The following DDX4 variants were observed in gnomAD, a reference collection of about 807,000 sequenced individuals.
DDX4 encodes the protein probable ATP-dependent RNA helicase DDX4.
DDX4 carries 25 observed loss-of-function variants against 100.0 expected under a neutral mutation model. The observed-to-expected ratio is 0.25, with a 90% CI of 0.18 to 0.35. The LOEUF (loss-of-function observed/expected upper bound fraction) is 0.35, where lower values mean the gene tolerates loss of function less well. DDX4 is among the 10% of genes least tolerant of loss of function. The probability of loss-of-function intolerance (pLI) is 1.00; values close to 1 mark genes in which losing one functional copy is unlikely to be tolerated. For synonymous variants in DDX4, 259 were observed against 275.7 expected, an observed-to-expected ratio of 0.94 and a Z score of 0.60; for missense variants, 635 against 882.4, an observed-to-expected ratio of 0.72 and a Z score of 3.55.
At chr5:55,765,295 C>A (rs1449548896) in intron 6 of DDX4, among the ~76,000 whole-genome samples, 1 of 150,456 alleles carries the variant, frequency 6.6e-6, no homozygotes, top group African/African-American at 2.4e-5. Flanking sequence ...CTTTTGAATA[C>A]AAATTCCAGT....
At chr5:55,784,257 G>T (rs1447799867) in intron 10 of DDX4, among the ~76,000 whole-genome samples, 1 of 152,134 alleles carries the variant, frequency 6.6e-6, no homozygotes, top group Non-Finnish European at 1.5e-5. Flanking sequence ...AGAGAACCTG[G>T]AGTTCTGATG....
chr5:55,785,533 G>C lies in DDX4; in HGVS notation c.721+39G>C, dbSNP rs201156079. 4.3e-4 allele frequency: 628 copies of C among 1,469,002 alleles called. 1 individual carries two copies. The African/African-American group carries it at 8.0e-3, about 19-fold the overall frequency. The allele number at this position is 1,469,002 out of a possible 1,614,324, so 91.0% of individuals were successfully genotyped here. ...TGTGTGACTCACATAGAAGTATGTT[G>C]TGTTTTAATAATGCTTAAGTATTTT... is the stretch of plus-strand genomic sequence containing the variant. On this transcript the variant is annotated intron_variant, in intron 12 of 21. Coordinates refer to ENST00000505374, the MANE Select transcript of DDX4 (RefSeq NM_024415.3).
rs1486127936 is a variant in DDX4 at position 55,814,881 on chromosome 5, A to T, written c.1716-20A>T. The stretch of plus-strand genomic sequence containing the variant: ...TGATTTTAAGAGTGGTTCTAATAAC[A>T]TGCTTTCTTTTCTTTCAAGTGATCG... On this transcript the variant is annotated intron_variant, in intron 19 of 21. Coordinates refer to ENST00000505374, the MANE Select transcript of DDX4 (RefSeq NM_024415.3). 11 of 1,596,946 alleles carry T rather than the reference A, an allele frequency of 6.9e-6. No individual in the cohort carries two copies. Among genetic ancestry groups the T allele is most frequent in the Non-Finnish European group, 8.5e-6 (10 of 1,171,842 alleles).
At chr5:55,786,091 G>T (rs1252320326) in intron 13 of DDX4, among the ~76,000 whole-genome samples, 1 of 152,148 alleles carries the variant, frequency 6.6e-6, no homozygotes, top group Non-Finnish European at 1.5e-5. Context: ...ACCAGGATGA[G>T]AATTTTATTT....
Position 55,816,817 on chromosome 5 carries a change from G to A in DDX4, c.*277G>A, listed in dbSNP as rs2112217163. 2 of 354,312 alleles carry A rather than the reference G, an allele frequency of 5.6e-6. No homozygotes were observed. The highest frequency in any genetic ancestry group is 5.4e-5 in the East Asian group (1 of 18,514). 21.9% of individuals were successfully genotyped at this position (354,312 alleles called of 1,614,324 possible). A position where few individuals can be genotyped will look rare whatever the true frequency, so the allele number is the denominator to read the frequency against. On this transcript the variant is annotated 3_prime_UTR_variant, in exon 22 of 22. Coordinates refer to ENST00000505374, the MANE Select transcript of DDX4 (RefSeq NM_024415.3). ...TATATTCTTTAGGGGGCTTAGACAT[G>A]TTTAATGTTTAAATGCCAAGTCTTA...
At chr5:55,786,788 A>C in intron 14 of DDX4, 118 bp downstream of exon 14, 2 of 759,096 alleles carry the variant, frequency 2.6e-6, no homozygotes, top group South Asian at 3.6e-5. Context: ...ACCTGTCATA[A>C]GTATTGATGG....
intron 18 of DDX4, among the ~76,000 whole-genome samples, chr5:55,805,467 A>T (rs1164516843): frequency 1.3e-5 from 2 of 151,516 alleles, no homozygotes; most frequent in African/African-American, 4.9e-5. Context: ...GGTTTGTCAT[A>T]GATAGCTCTT....
chr5:55,776,815 TGAG>T (rs1741591985), intron 7 of DDX4, among the ~76,000 whole-genome samples: 1 of 151,764 alleles, frequency 6.6e-6, no homozygotes, highest in African/African-American at 2.4e-5. Context: ...CAAGAAGCAA[TGAG>T]GAGCGAAAAA....
At chr5:55,740,481 T>C (rs1758915460) in intron 2 of DDX4, among the ~76,000 whole-genome samples, 1 of 151,388 alleles carries the variant, frequency 6.6e-6, no homozygotes, top group Admixed American at 6.6e-5. Context: ...ATGTTTTATA[T>C]AGTTTTGATG....
chr5:55,789,605 T>C (rs946013291), intron 15 of DDX4, among the ~76,000 whole-genome samples: 1 of 152,224 alleles, frequency 6.6e-6, no homozygotes, highest in Admixed American at 6.5e-5. Flanking sequence ...AGCAAGTCAC[T>C]AAGTTTGACC....
rs10061269 is a variant in DDX4, at chr5:55,766,454, T to C, written c.335-1427T>C. On this transcript the variant is annotated intron_variant, in intron 6 of 21. Transcript: ENST00000505374. Reference sequence around the variant, plus strand: ...AGTAGTTTTGTTTTTTTTTTTTTTTTCTCGAAAGCAGTAAATATTAGTTAT... The same window carrying C: ...AGTAGTTTTGTTTTTTTTTTTTTTTCCTCGAAAGCAGTAAATATTAGTTAT... 4.5e-3 allele frequency among the ~76,000 whole-genome samples: 685 copies of C among 151,470 alleles called. 5 individuals are homozygous for C. Among genetic ancestry groups the C allele is most frequent in the African/African-American group, 0.012 (498 of 41,150 alleles).
chr5:55,813,392 C>A (rs1426572792), intron 18 of DDX4, among the ~76,000 whole-genome samples: 1 of 152,120 alleles, frequency 6.6e-6, no homozygotes. Flanking sequence ...AGTTGGCAGG[C>A]AGATATGATT....
rs141943547 is a variant in DDX4 at position 55,740,067 on chromosome 5, A to G, written c.69+1035A>G. On this transcript the variant is annotated intron_variant, in intron 2 of 21. Coordinates refer to ENST00000505374, the MANE Select transcript of DDX4 (RefSeq NM_024415.3). Reference sequence around the variant, plus strand: ...ATAGTTCTCTTCTCATAATAAAAATATAGCTTTTTTGGGAAAAGTGGAGAA... The same window carrying G: ...ATAGTTCTCTTCTCATAATAAAAATGTAGCTTTTTTGGGAAAAGTGGAGAA... Among the ~76,000 whole-genome samples the G allele has an allele frequency of 7.2e-5, 11 of 152,326 alleles. No homozygotes were observed. In the East Asian group the frequency reaches 2.1e-3, roughly 29 times the overall value.
intron 16 of DDX4, 74 bp downstream of exon 16, chr5:55,790,779 TAA>T: frequency 1.5e-6 from 2 of 1,325,508 alleles, no homozygotes; most frequent in South Asian, 1.2e-5. Context: ...AAGAATGAGG[TAA>T]AGACAGATGT....
chr5:55,781,476 G>A (rs1741906960), intron 9 of DDX4, among the ~76,000 whole-genome samples: 1 of 152,120 alleles, frequency 6.6e-6, no homozygotes, highest in Admixed American at 6.6e-5. Flanking sequence ...ATGAGGTTAA[G>A]GTTAAAGTTA....
intron 1 of DDX4, 74 bp from the exon 2 acceptor site, chr5:55,738,876 T>G: frequency 1.1e-6 from 1 of 892,054 alleles, no homozygotes; most frequent in East Asian, 2.4e-5. Flanking sequence ...TGTGAAACAA[T>G]GAGTTTATGC....
At chr5:55,756,976 G>A (rs1759979483) in intron 3 of DDX4, among the ~76,000 whole-genome samples, 1 of 152,074 alleles carries the variant, frequency 6.6e-6, no homozygotes, top group Non-Finnish European at 1.5e-5. Flanking sequence ...ATTTACATGT[G>A]AAAGTACTGT....
intron 3 of DDX4, among the ~76,000 whole-genome samples, chr5:55,759,771 C>G (rs1760192172): frequency 6.6e-6 from 1 of 152,102 alleles, no homozygotes; most frequent in Admixed American, 6.6e-5. Flanking sequence ...GAGTATATGC[C>G]TTTTAAATTA....
chr5:55,808,308 C>A (rs901641188), intron 18 of DDX4, among the ~76,000 whole-genome samples: 4 of 152,202 alleles, frequency 2.6e-5, no homozygotes, highest in African/African-American at 9.7e-5. Context: ...ATGCCTTCTT[C>A]TCTCAACTCG....
Sources: allele counts gnomAD v4.1 joint callset (sites outside exome capture counted in the v4.1 genomes callset), GRCh38; gene constraint gnomAD v4.1.1; transcripts MANE v1.5; gene names NCBI Gene and HGNC (gene_info 2026-07-23, HGNC 2026-07-21).